The following RIPK4 variants were observed in gnomAD, a reference collection of about 807,000 sequenced individuals.
RIPK4 encodes receptor-interacting serine/threonine-protein kinase 4.
Under a neutral mutation model 42.9 loss-of-function variants are expected in RIPK4, and 17 were observed. That is an observed-to-expected ratio of 0.40 (90% CI 0.27 to 0.59). The LOEUF (loss-of-function observed/expected upper bound fraction) is 0.59. Ranked by LOEUF, RIPK4 falls within the 20% of genes least tolerant of loss-of-function variation. The probability of loss-of-function intolerance (pLI) is 0.47; values close to 1 mark genes in which losing one functional copy is unlikely to be tolerated. For synonymous variants in RIPK4, 498 were observed against 499.1 expected (o/e 1.00, Z 0.03); for missense variants, 897 against 1,104.4 (o/e 0.81, Z 2.66).
At position 41,746,687 on chromosome 21, in the gene RIPK4, C is replaced by T. The variant is rs552648714; in HGVS notation, c.758G>A (p.Arg253His). The change falls in exon 5 of 8, where the codon CGC (arginine) becomes CAC (histidine). Residue 253 changes from arginine (R) to histidine (H), a missense_variant. Coordinates refer to ENST00000332512, the MANE Select transcript of RIPK4 (RefSeq NM_020639.3). ...GAGGCGTATCAGGTGGCTGCAGGCG[C>T]GCGGCCGGGCTCTGCACACGGGCGG... ...ELPPVCRARPRACSHLIRLMQ... is the reference protein window; with the variant it reads ...ELPPVCRARPHACSHLIRLMQ... 123 of 1,611,030 alleles carry T rather than the reference C, an allele frequency of 7.6e-5. No homozygotes were observed. The highest frequency in any genetic ancestry group is 1.9e-4 in the African/African-American group (14 of 75,064).
At chr21:41,743,840 C>A (rs2061161778) in intron 7 of RIPK4, 42 bp downstream of exon 7, 1 of 1,539,992 alleles carries the variant, frequency 6.5e-7, no homozygotes, top group Non-Finnish European at 8.8e-7. Context: ...ACTGTCCCGC[C>A]AAGCCCAGCA....
chr21:41,766,181 G>A (rs2061235595), intron 1 of RIPK4, among the ~76,000 whole-genome samples: 1 of 152,186 alleles, frequency 6.6e-6, no homozygotes, highest in Non-Finnish European at 1.5e-5. Flanking sequence ...AGCGCTGGGC[G>A]GACGGATCAA....
intron 2 of RIPK4, among the ~76,000 whole-genome samples, chr21:41,756,080 A>G (rs1040497499): frequency 6.6e-6 from 1 of 152,054 alleles, no homozygotes; most frequent in African/African-American, 2.4e-5. Flanking sequence ...TGAGGACCCC[A>G]CTGCAGAGGA....
intron 1 of RIPK4, among the ~76,000 whole-genome samples, chr21:41,761,906 C>T (rs1247442182): frequency 6.6e-6 from 1 of 152,210 alleles, no homozygotes; most frequent in South Asian, 2.1e-4. Context: ...GCAGTGCACA[C>T]CCCTCCCCAG....
rs1337507177 is a variant in RIPK4 at position 41,744,092 on chromosome 21, C to T, written c.985G>A (p.Asp329Asn). ...KRASAPTFDN[D>N]YSLSELLSQL... is the part of the protein sequence containing the mutation. ...GAGAGCAGCTCGGAGAGGCTGTAGT[C>T]GTTATCGAAGGTGGGGGCAGAGGCC... The change falls in exon 7 of 8, where the codon GAC becomes AAC. Residue 329 changes from aspartate to asparagine, a missense_variant. Physicochemically the swap from Asp to Asn is conservative, Grantham distance 23. Transcript: ENST00000332512. 5.6e-6 allele frequency: 9 copies of T among 1,608,882 alleles called. No individual in the cohort carries two copies. The highest frequency in any genetic ancestry group is 2.2e-5 in the East Asian group (1 of 44,766).
rs1293110816 is a variant in RIPK4 at position 41,739,377 on chromosome 21, A to G, written c.*1461T>C. On this transcript the variant is annotated 3_prime_UTR_variant, in exon 8 of 8. Coordinates refer to ENST00000332512, the MANE Select transcript of RIPK4 (RefSeq NM_020639.3). ...GAAAAAGCAGTCTCAACCAGCTTCA[A>G]AAAAGTAGGCAAGTACTTTGCTTTA... is the stretch of plus-strand genomic sequence containing the variant. 1 of 152,240 alleles carries G rather than the reference A, an allele frequency of 6.6e-6. No homozygotes were observed. The highest frequency in any genetic ancestry group is 1.5e-5 in the Non-Finnish European group (1 of 68,046). 9.4% of individuals were successfully genotyped at this position (152,240 alleles called of 1,614,324 possible).
At chr21:41,746,844 A>G in intron 4 of RIPK4, 73 bp from the exon 5 acceptor site, 1 of 1,491,752 alleles carries the variant, frequency 6.7e-7, no homozygotes, top group African/African-American at 1.4e-5. Context: ...GGAGGAAACG[A>G]CACACTCGCC....
chr21:41,741,506 C>A lies in RIPK4; in HGVS notation c.1687G>T (p.Val563Leu), dbSNP rs148030694. The change falls in exon 8 of 8, where the codon GTG (valine) becomes TTG (leucine). Residue 563 changes from valine (V) to leucine (L), a missense_variant. Coordinates refer to ENST00000332512, the MANE Select transcript of RIPK4 (RefSeq NM_020639.3). Reference protein sequence around the residue: ...VRILLRRGVDVSLQGKDAWLP... With the variant: ...VRILLRRGVDLSLQGKDAWLP... ...CAGGCATCCTTGCCCTGCAGGCTCA[C>A]GTCCACGCCTCGGCGCAGCAGGATG... 11 of 1,612,564 alleles carry A rather than the reference C, an allele frequency of 6.8e-6. No homozygotes were observed. The highest frequency in any genetic ancestry group is 8.5e-6 in the Non-Finnish European group (10 of 1,179,966).
At position 41,756,593 on chromosome 21, in the gene RIPK4, C is replaced by T. The variant is rs774481208; in HGVS notation, c.406G>A (p.Ala136Thr). The change falls in exon 2 of 8, where the codon GCC (alanine) becomes ACC (threonine). Residue 136 changes from alanine (A) to threonine (T), a missense_variant. By Grantham distance (58) the Ala-to-Thr change is moderately conservative (BLOSUM62 0). Transcript: ENST00000332512. ...AGGTCCAGGTGCAGGAGTGGCGGGG[C>T]CATGCAGTGCAGGAAGTTCATGCCC... ...AVGMNFLHCMAPPLLHLDLKP... is the reference protein window; with the variant it reads ...AVGMNFLHCMTPPLLHLDLKP... The T allele has an allele frequency of 3.7e-6, 6 of 1,605,780 alleles. No individual in the cohort carries two copies. The highest frequency in any genetic ancestry group is 5.1e-6 in the Non-Finnish European group (6 of 1,177,812).
Position 41,741,980 on chromosome 21 carries a change from C to T in RIPK4, c.1213G>A (p.Val405Ile), listed in dbSNP as rs201375165. Residue 405 changes from valine to isoleucine, a missense_variant, in exon 8 of 8, where the codon GTC (valine) becomes ATC (isoleucine). Val to Ile is a conservative substitution (Grantham distance 29). Transcript: ENST00000332512. ...PSTSDLGTTDVQKKKLVDAIV... is the reference protein window; with the variant it reads ...PSTSDLGTTDIQKKKLVDAIV... Reference sequence around the variant, plus strand: ...GCATCCACAAGCTTCTTCTTCTGGACGTCTGTGGTGCCCAGATCTGCAGGG... The same window carrying T: ...GCATCCACAAGCTTCTTCTTCTGGATGTCTGTGGTGCCCAGATCTGCAGGG... The T allele has an allele frequency of 2.4e-5, 39 of 1,597,686 alleles. No individual in the cohort carries two copies. In the South Asian group the frequency reaches 2.6e-4, roughly 11 times the overall value.
Position 41,751,158 on chromosome 21 carries a change from G to A in RIPK4, c.562C>T (p.Leu188Phe), listed in dbSNP as rs1342285882. Residue 188 changes from leucine to phenylalanine, a missense_variant, in exon 3 of 8, where the codon CTC becomes TTC. Leu to Phe is a conservative substitution (Grantham distance 22). Coordinates refer to ENST00000332512, the MANE Select transcript of RIPK4 (RefSeq NM_020639.3). This position sits in a 1 kb window ranked among gnomAD's most constrained non-coding sequence, Gnocchi z 4.5. ...MDGLFGTIAY[L>F]PPERIREKSR... ...TTCTCCCTGATGCGCTCTGGAGGGA[G>A]GTAGGCGATTGTGCCAAACAGGCCA... 1.9e-6 allele frequency: 3 copies of A among 1,614,148 alleles called. No homozygotes were observed. The highest frequency in any genetic ancestry group is 2.2e-5 in the South Asian group (2 of 91,094).
chr21:41,749,975 T>C (rs978752769), intron 3 of RIPK4, among the ~76,000 whole-genome samples: 8 of 151,008 alleles, frequency 5.3e-5, no homozygotes, highest in African/African-American at 1.9e-4. Flanking sequence ...GGGCTGTTTA[T>C]AGACAACGAA....
At position 41,744,098 on chromosome 21, in the gene RIPK4, C is replaced by G. The variant is rs559995058; in HGVS notation, c.979G>C (p.Asp327His). The G allele has an allele frequency of 6.2e-7, 1 of 1,607,734 alleles. No individual in the cohort carries two copies. Among genetic ancestry groups the G allele is most frequent in the Middle Eastern group, 1.7e-4 (1 of 5,742 alleles). The change falls in exon 7 of 8, where the codon GAT becomes CAT. Residue 327 changes from aspartate to histidine, a missense_variant. Asp to His is a moderately conservative substitution (Grantham distance 81). Coordinates refer to ENST00000332512, the MANE Select transcript of RIPK4 (RefSeq NM_020639.3). The stretch of plus-strand genomic sequence containing the variant: ...AGCTCGGAGAGGCTGTAGTCGTTAT[C>G]GAAGGTGGGGGCAGAGGCCCGCTTG... ...RLKRASAPTF[D>H]NDYSLSELLS...
chr21:41,740,792 C>T lies in RIPK4; in HGVS notation c.*46G>A. ...TTCCATCCCCACGAGGAACACAGGACAGGACAAGAGCCCCACGTGGACCCC... is the reference window on the plus strand; with the variant it reads ...TTCCATCCCCACGAGGAACACAGGATAGGACAAGAGCCCCACGTGGACCCC... On this transcript the variant is annotated 3_prime_UTR_variant, in exon 8 of 8. Coordinates refer to ENST00000332512, the MANE Select transcript of RIPK4 (RefSeq NM_020639.3). The T allele has an allele frequency of 6.5e-7, 1 of 1,534,794 alleles. No homozygotes were observed. The highest frequency in any genetic ancestry group is 8.8e-7 in the Non-Finnish European group (1 of 1,142,150).
At chr21:41,756,864 C>A in intron 1 of RIPK4, 48 bp from the exon 2 acceptor site, 2 of 1,580,146 alleles carry the variant, frequency 1.3e-6, no homozygotes, top group South Asian at 1.2e-5. Flanking sequence ...CACTCAGCCA[C>A]AAACATGGAA....
At chr21:41,744,205 C>T (rs1018281397) in intron 6 of RIPK4, 65 bp from the exon 7 acceptor site, 10 of 1,469,900 alleles carry the variant, frequency 6.8e-6, no homozygotes, top group Non-Finnish European at 7.2e-6. Flanking sequence ...CCGCCCATGA[C>T]ACAAACACAG....
At chr21:41,758,021 A>AAAAAATATATATAT (rs1555910478) in intron 1 of RIPK4, among the ~76,000 whole-genome samples, 1 of 51,386 alleles carries the variant, frequency 1.9e-5, no homozygotes, top group African/African-American at 1.1e-4. Flanking sequence ...AAAAAAAAAA[A>AAAAAATATATATAT]ATATATATAT....
rs2061147353 is a variant in RIPK4, at chr21:41,740,009, C to A, written c.*829G>T. 6.6e-6 allele frequency: 1 copy of A among 152,130 alleles called. No homozygotes were observed. Among genetic ancestry groups the A allele is most frequent in the African/African-American group, 2.4e-5 (1 of 41,428 alleles). 9.4% of individuals were successfully genotyped at this position (152,130 alleles called of 1,614,324 possible). On this transcript the variant is annotated 3_prime_UTR_variant, in exon 8 of 8. Coordinates refer to ENST00000332512, the MANE Select transcript of RIPK4 (RefSeq NM_020639.3). ...CACTCCAGCGACCTGAGGGGGCTCG[C>A]CTCAGTCCCCAGCACTGAGGTTACA...
intron 3 of RIPK4, 89 bp from the exon 4 acceptor site, chr21:41,749,292 T>A (rs1569102791): frequency 1.6e-6 from 2 of 1,281,212 alleles, no homozygotes; most frequent in Non-Finnish European, 2.3e-6. Context: ...TGAAGACACC[T>A]GTTCTGAAGC....
Sources: gnomAD v4.1 joint callset for allele counts (sites outside exome capture counted in the v4.1 genomes callset) on GRCh38, gnomAD v4.1.1 for gene constraint, Gnocchi (gnomAD v3.1) non-coding constraint, MANE v1.5 for transcripts, NCBI Gene and HGNC (gene_info 2026-07-23, HGNC 2026-07-21) for gene names.